Variants in RBM47 observed in about 807,000 individuals in gnomAD.
The protein encoded by RBM47 is RNA-binding protein 47.
RBM47 carries 21 observed loss-of-function variants against 47.1 expected under a neutral mutation model. The observed-to-expected ratio is 0.45, with a 90% CI of 0.32 to 0.64. The LOEUF (loss-of-function observed/expected upper bound fraction) is 0.64. Ranked by LOEUF, RBM47 falls within the 30% of genes least tolerant of loss-of-function variation. The pLI is 0.05. For synonymous variants in RBM47, 375 were observed against 361.7 expected (o/e 1.04, Z -0.42); for missense variants, 708 against 870.9 (o/e 0.81, Z 2.35).
intron 2 of RBM47, among the ~76,000 whole-genome samples, chr4:40,527,374 C>T (rs962087354): frequency 6.7e-6 from 1 of 150,372 alleles, no homozygotes; most frequent in African/African-American, 2.5e-5. Flanking sequence ...GCAACCTCTG[C>T]CTCCCAGATT....
chr4:40,626,804 A>T (rs1330150055), intron 1 of RBM47, among the ~76,000 whole-genome samples: 2 of 152,156 alleles, frequency 1.3e-5, no homozygotes, highest in African/African-American at 2.4e-5. Context: ...TTTTACCAAC[A>T]GGATGATTCA....
intron 5 of RBM47, among the ~76,000 whole-genome samples, chr4:40,433,560 G>C (rs556418959): frequency 6.6e-6 from 1 of 152,322 alleles, no homozygotes; most frequent in South Asian, 2.1e-4. Flanking sequence ...TCAGAGGCTT[G>C]AAGCCTACTG....
chr4:40,491,044 C>T (rs1721799091), intron 2 of RBM47, among the ~76,000 whole-genome samples: 3 of 152,056 alleles, frequency 2.0e-5, no homozygotes, highest in Admixed American at 1.3e-4. Context: ...GTAAACGAGA[C>T]AGTGTATAGG....
At chr4:40,510,792 A>G (rs1278395861) in intron 2 of RBM47, among the ~76,000 whole-genome samples, 1 of 152,002 alleles carries the variant, frequency 6.6e-6, no homozygotes, top group Non-Finnish European at 1.5e-5. Context: ...CAATAGGGGG[A>G]CGGGCATGAT....
chr4:40,614,296 A>G (rs1464458718), intron 1 of RBM47, among the ~76,000 whole-genome samples: 5 of 152,138 alleles, frequency 3.3e-5, no homozygotes, highest in African/African-American at 9.7e-5. Flanking sequence ...AGTGACTTGA[A>G]CCATGAAAGT....
chr4:40,448,457 T>C (rs1315897060), intron 3 of RBM47, among the ~76,000 whole-genome samples: 3 of 152,200 alleles, frequency 2.0e-5, no homozygotes, highest in Non-Finnish European at 4.4e-5. Context: ...GGTTTTAAAA[T>C]GTGTTGATCC....
At chr4:40,626,441 C>A (rs772672358) in intron 1 of RBM47, among the ~76,000 whole-genome samples, 1 of 152,206 alleles carries the variant, frequency 6.6e-6, no homozygotes, top group Non-Finnish European at 1.5e-5. Flanking sequence ...GCCTCCACTT[C>A]CCACAGTTGC....
chr4:40,581,946 C>T (rs947673034), intron 1 of RBM47, among the ~76,000 whole-genome samples: 1 of 152,018 alleles, frequency 6.6e-6, no homozygotes, highest in Admixed American at 6.6e-5. Flanking sequence ...CCCCCGAACC[C>T]GCTTCCCCTC....
intron 1 of RBM47, among the ~76,000 whole-genome samples, chr4:40,557,376 G>T (rs1230859917): frequency 6.6e-6 from 1 of 152,236 alleles, no homozygotes; most frequent in Middle Eastern, 3.4e-3. Flanking sequence ...TTTCCTTGAG[G>T]ACAGTACTAT....
Position 40,577,602 on chromosome 4 carries a change from C to A in RBM47, c.-239-33096G>T, listed in dbSNP as rs374262860. Among the ~76,000 whole-genome samples the A allele has an allele frequency of 8.9e-4, 134 of 151,052 alleles. 1 individual carries two copies. The highest frequency in any genetic ancestry group is 3.1e-3 in the African/African-American group (126 of 41,144). The stretch of plus-strand genomic sequence containing the variant: ...TCCCTGTTCCAATTTTTTTAAAAAT[C>A]CTGTTTTCCCTTTCCTGATCCTCCC... On this transcript the variant is annotated intron_variant, in intron 1 of 6. Transcript: ENST00000295971.
At chr4:40,520,679 C>T (rs922678163) in intron 2 of RBM47, among the ~76,000 whole-genome samples, 8 of 152,170 alleles carry the variant, frequency 5.3e-5, no homozygotes, top group Non-Finnish European at 1.2e-4. Flanking sequence ...CATACTCAAA[C>T]CCCTTTAGAG....
At chr4:40,627,668 T>G (rs1159934248) in intron 1 of RBM47, among the ~76,000 whole-genome samples, 1 of 152,186 alleles carries the variant, frequency 6.6e-6, no homozygotes, top group East Asian at 1.9e-4. Flanking sequence ...CCAAATAGTC[T>G]AATATGAATG....
intron 1 of RBM47, among the ~76,000 whole-genome samples, chr4:40,557,318 C>T (rs1730193113): frequency 6.6e-6 from 1 of 152,174 alleles, no homozygotes; most frequent in Non-Finnish European, 1.5e-5. Context: ...TAATTAAATA[C>T]TCCTGGCTTT....
intron 2 of RBM47, among the ~76,000 whole-genome samples, chr4:40,518,566 A>G (rs987985538): frequency 2.0e-5 from 3 of 152,176 alleles, no homozygotes; most frequent in Admixed American, 2.0e-4. Flanking sequence ...GGACAGACTC[A>G]GAGAGGCTGC....
At position 40,548,613 on chromosome 4, in the gene RBM47, C is replaced by A. The variant is rs556972710; in HGVS notation, c.-239-4107G>T. Among the ~76,000 whole-genome samples the A allele has an allele frequency of 4.1e-4, 63 of 152,270 alleles. 1 individual carries two copies. The highest frequency in any genetic ancestry group is 1.5e-3 in the African/African-American group (61 of 41,548). ...TCAGCTGCAGCCACGGGTGACACTG[C>A]CCAAGGGCATTATGTAGGGAAAGAG... On this transcript the variant is annotated intron_variant, in intron 1 of 6. Transcript: ENST00000295971.
Position 40,501,981 on chromosome 4 carries a change from C to T in RBM47, c.-154-35282G>A, listed in dbSNP as rs58314832. Reference sequence around the variant, plus strand: ...ATGCTGACATTAATTACCCACTCAACACCACCACAAGCCCCACAGCGAGGC... The same window carrying T: ...ATGCTGACATTAATTACCCACTCAATACCACCACAAGCCCCACAGCGAGGC... On this transcript the variant is annotated intron_variant, in intron 2 of 6. Coordinates refer to ENST00000295971, the MANE Select transcript of RBM47 (RefSeq NM_001098634.2). The T allele has an allele frequency of 2.4e-3, 368 of 154,298 alleles. 4 individuals carry two copies. In the East Asian group the frequency reaches 0.053, roughly 22 times the overall value. 9.6% of individuals were successfully genotyped at this position (154,298 alleles called of 1,614,324 possible).
chr4:40,485,075 G>A (rs916187677), intron 2 of RBM47, among the ~76,000 whole-genome samples: 1 of 151,838 alleles, frequency 6.6e-6, no homozygotes, highest in African/African-American at 2.4e-5. Flanking sequence ...GTTGTCATAT[G>A]TTTGCATGAC....
intron 1 of RBM47, among the ~76,000 whole-genome samples, chr4:40,603,535 GCTT>G (rs953273872): frequency 1.3e-5 from 2 of 151,822 alleles, no homozygotes; most frequent in Non-Finnish European, 2.9e-5. Flanking sequence ...TTGGCACTAG[GCTT>G]CTTCTCCTCT....
In RBM47 at chr4:40,434,002, GGTGTGTGT is replaced by G. The variant is rs1166329290; in HGVS notation, c.1331-1148_1331-1141del. On this transcript the variant is annotated intron_variant, in intron 5 of 6. Coordinates refer to ENST00000295971, the MANE Select transcript of RBM47 (RefSeq NM_001098634.2). ...TGTGAGTGTGTGTGTGTGGGGCGGGGGTGTGTGTGTGTGTGTGTGTGTGTGTGTGTGTG... is the reference window on the plus strand; with the variant it reads ...TGTGAGTGTGTGTGTGTGGGGCGGGGGTGTGTGTGTGTGTGTGTGTGTGTG... Among the ~76,000 whole-genome samples the G allele has an allele frequency of 2.1e-3, 97 of 45,708 alleles. 11 individuals are homozygous for G. Among genetic ancestry groups the G allele is most frequent in the Admixed American group, 3.6e-3 (15 of 4,204 alleles). The allele number at this position is 45,708 out of a possible 152,430, so 30.0% of individuals were successfully genotyped here.
Sources: allele counts gnomAD v4.1 joint callset (sites outside exome capture counted in the v4.1 genomes callset), GRCh38; gene constraint gnomAD v4.1.1; transcripts MANE v1.5; gene names NCBI Gene and HGNC (gene_info 2026-07-23, HGNC 2026-07-21).